Variants in ZFP90 observed in about 807,000 individuals in gnomAD.
The protein encoded by ZFP90 is zinc finger protein 90 homolog.
In ZFP90, 38 loss-of-function variants were observed where a neutral mutation model predicts 60.8. That is an observed-to-expected ratio of 0.62 (90% CI 0.48 to 0.82). The LOEUF (loss-of-function observed/expected upper bound fraction) is 0.82. ZFP90 is among the 40% of genes least tolerant of loss of function. The probability of loss-of-function intolerance (pLI) is 0.00; values close to 1 mark genes in which losing one functional copy is unlikely to be tolerated. For missense variants in ZFP90, 711 were observed against 759.1 expected (o/e 0.94, Z 0.74); for synonymous variants, 287 against 264.8 (o/e 1.08, Z -0.82).
Position 68,565,196 on chromosome 16 carries a change from A to G in ZFP90, c.*498A>G, listed in dbSNP as rs1006465155. On this transcript the variant is annotated 3_prime_UTR_variant, in exon 5 of 5. Coordinates refer to ENST00000563169, the MANE Select transcript of ZFP90 (RefSeq NM_001305203.2). ...CTAGCCCAACCACTTCATTGTACAG[A>G]TGAAGACTGAAAGCCAAAGATGTGA... 1.0e-6 allele frequency: 1 copy of G among 987,776 alleles called. No individual in the cohort carries two copies. Among genetic ancestry groups the G allele is most frequent in the African/African-American group, 1.7e-5 (1 of 57,264 alleles). The allele number at this position is 987,776 out of a possible 1,614,324, so 61.2% of individuals were successfully genotyped here.
At chr16:68,549,731 A>G (rs2091224226) in intron 2 of ZFP90, among the ~76,000 whole-genome samples, 2 of 147,812 alleles carry the variant, frequency 1.4e-5, no homozygotes, top group Non-Finnish European at 3.0e-5. Context: ...CTAGATGGCT[A>G]CGGTTCTGAA....
In ZFP90 at chr16:68,575,876, A is replaced by C. The variant is rs145082732; in HGVS notation, c.309A>C (p.Ter103CysextTer23). The C allele has an allele frequency of 2.2e-4, 87 of 398,426 alleles. 1 individual carries two copies. Among genetic ancestry groups the C allele is most frequent in the African/African-American group, 1.4e-3 (70 of 48,692 alleles). 24.7% of individuals were successfully genotyped at this position (398,426 alleles called of 1,614,324 possible). A position where few individuals can be genotyped will look rare whatever the true frequency, so the allele number is the denominator to read the frequency against. Reference sequence around the variant, plus strand: ...AACTTCCAAGAAAGAATCCTGAGTGATGTCAGCAAGAATGGCTAAGTAAGG... The same window carrying C: ...AACTTCCAAGAAAGAATCCTGAGTGCTGTCAGCAAGAATGGCTAAGTAAGG... The change falls in exon 3 of 3, where the codon TGA (stop) becomes TGC (cysteine). Residue 103 changes from the stop codon to cysteine (C), a stop_lost. Coordinates refer to the ZFP90 transcript ENST00000573113.
rs527767139 is a variant in ZFP90, at chr16:68,563,981, A to T, written c.1194A>T (p.Ile398=). 2 of 1,614,004 alleles carry T rather than the reference A, an allele frequency of 1.2e-6. No homozygotes were observed. The highest frequency in any genetic ancestry group is 2.7e-5 in the African/African-American group (2 of 74,994). The change falls in exon 5 of 5, where the codon ATA becomes ATT. Residue 398 remains isoleucine, a synonymous_variant. Transcript: ENST00000563169. ...GAGAGAAACCTTTTGAATGTAGCAT[A>T]TGTGGGAGGGCTTTTGGTCAGAGCC... ...HTGEKPFECS[I]CGRAFGQSPS... is the part of the protein sequence containing the mutation.
intron 2 of ZFP90, among the ~76,000 whole-genome samples, chr16:68,572,174 A>G (rs541696712): frequency 3.7e-4 from 32 of 87,254 alleles, no homozygotes; most frequent in Admixed American, 9.1e-4. Flanking sequence ...ACCAGCTGAC[A>G]AACACTTTTT....
chr16:68,533,650 A>T (rs544522028), intron 1 of ZFP90: 1 of 152,206 alleles, frequency 6.6e-6, no homozygotes, highest in Admixed American at 6.5e-5. Context: ...GCTGTCTTCC[A>T]TTGTTGCCAT....
chr16:68,569,438 T>C (rs2091555675), downstream of ZFP90, among the ~76,000 whole-genome samples: 1 of 152,186 alleles, frequency 6.6e-6, no homozygotes, highest in Non-Finnish European at 1.5e-5. Context: ...CCCAGCTGAT[T>C]AGTCCCACTT....
intron 2 of ZFP90, among the ~76,000 whole-genome samples, chr16:68,556,554 G>A (rs998277392): frequency 1.3e-5 from 2 of 152,178 alleles, no homozygotes; most frequent in Admixed American, 1.3e-4. Context: ...TATTTTTTAA[G>A]TGCCCACTAG....
chr16:68,560,901 A>G (rs1286223174), intron 4 of ZFP90, among the ~76,000 whole-genome samples: 1 of 137,286 alleles, frequency 7.3e-6, no homozygotes, highest in Non-Finnish European at 1.5e-5. Context: ...TTTTTTTCCG[A>G]GATGGAATCT....
chr16:68,542,626 T>A (rs1288515405), intron 2 of ZFP90, among the ~76,000 whole-genome samples: 2 of 151,618 alleles, frequency 1.3e-5, no homozygotes, highest in Non-Finnish European at 2.9e-5. Context: ...AGGGAGAGGG[T>A]AGAGCTGATT....
chr16:68,549,364 T>C (rs1262827351), intron 2 of ZFP90, among the ~76,000 whole-genome samples: 1 of 152,088 alleles, frequency 6.6e-6, no homozygotes, highest in Non-Finnish European at 1.5e-5. Context: ...GTGTCAGAGA[T>C]ACTGAAATGA....
chr16:68,566,871 C>A lies in ZFP90; in HGVS notation c.*2173C>A. ...CCCACTGTTACGGAAGTTTATAAAA[C>A]CTTAGTTCCAGAAGACCCAAAGGAG... is the stretch of plus-strand genomic sequence containing the variant. On this transcript the variant is annotated 3_prime_UTR_variant, in exon 5 of 5. Transcript: ENST00000563169. The A allele has an allele frequency of 1.0e-6, 1 of 985,562 alleles. No individual in the cohort carries two copies. Among genetic ancestry groups the A allele is most frequent in the Non-Finnish European group, 1.2e-6 (1 of 829,956 alleles). 61.1% of individuals were successfully genotyped at this position (985,562 alleles called of 1,614,324 possible).
intron 4 of ZFP90, among the ~76,000 whole-genome samples, chr16:68,561,630 A>G (rs2091440577): frequency 6.6e-6 from 1 of 152,188 alleles, no homozygotes; most frequent in Admixed American, 6.5e-5. Flanking sequence ...TGGTATTTTA[A>G]TATATTTTAT....
Position 68,566,415 on chromosome 16 carries a change from G to T in ZFP90, c.*1717G>T, listed in dbSNP as rs1019566235. On this transcript the variant is annotated 3_prime_UTR_variant, in exon 5 of 5. Coordinates refer to ENST00000563169, the MANE Select transcript of ZFP90 (RefSeq NM_001305203.2). Reference sequence around the variant, plus strand: ...TATTGATGGTGAACCTTTCCTACTGGATTCTTTGCATGCCACATAGCAGGA... The same window carrying T: ...TATTGATGGTGAACCTTTCCTACTGTATTCTTTGCATGCCACATAGCAGGA... 4.1e-6 allele frequency: 4 copies of T among 985,426 alleles called. No homozygotes were observed. The highest frequency in any genetic ancestry group is 3.6e-6 in the Non-Finnish European group (3 of 829,932). The allele number at this position is 985,426 out of a possible 1,614,324, so 61.0% of individuals were successfully genotyped here.
intron 2 of ZFP90, among the ~76,000 whole-genome samples, chr16:68,548,060 C>G (rs532711685): frequency 6.6e-6 from 1 of 152,206 alleles, no homozygotes; most frequent in East Asian, 1.9e-4. Context: ...CTTCTGACCT[C>G]AAGTGATCCA....
At chr16:68,539,042 G>T (rs1034799999), upstream of ZFP90, among the ~76,000 whole-genome samples, 1 of 152,224 alleles carries the variant, frequency 6.6e-6, no homozygotes, top group Non-Finnish European at 1.5e-5. Flanking sequence ...CCCGAAACCA[G>T]GGTCTTTCCC....
chr16:68,539,502 C>T (rs2090996247), intron 1 of ZFP90, 23 bp downstream of exon 1: 4 of 471,188 alleles, frequency 8.5e-6, no homozygotes, highest in South Asian at 3.8e-5. Flanking sequence ...GGGCGGGACC[C>T]CTCCTGGGTT....
At chr16:68,540,884 G>A (rs1401501253) in intron 2 of ZFP90, among the ~76,000 whole-genome samples, 3 of 143,942 alleles carry the variant, frequency 2.1e-5, no homozygotes, top group South Asian at 2.2e-4. Flanking sequence ...GCAGTTTATA[G>A]TGAATTAAGC....
At chr16:68,540,042 C>T (rs1182968) in intron 2 of ZFP90, among the ~76,000 whole-genome samples, 116,527 of 152,098 alleles carry the variant, frequency 0.77, 44,739 homozygotes, top group East Asian at 0.82. Context: ...GTGGTGCGAT[C>T]TTGTGGGAGG....
chr16:68,543,503 A>G (rs1197084493), intron 2 of ZFP90, among the ~76,000 whole-genome samples: 1 of 151,988 alleles, frequency 6.6e-6, no homozygotes, highest in Non-Finnish European at 1.5e-5. Flanking sequence ...ATAGCTGTGT[A>G]TTTATAGGAT....
Sources: gnomAD v4.1 joint callset for allele counts (sites outside exome capture counted in the v4.1 genomes callset) on GRCh38, gnomAD v4.1.1 for gene constraint, MANE v1.5 for transcripts, NCBI Gene and HGNC (gene_info 2026-07-23, HGNC 2026-07-21) for gene names.